The following RABGAP1L variants were observed in gnomAD, a reference collection of about 807,000 sequenced individuals.
The protein encoded by RABGAP1L is rab GTPase-activating protein 1-like.
RABGAP1L carries 63 observed loss-of-function variants against 137.7 expected under a neutral mutation model. That is an observed-to-expected ratio of 0.46 (90% CI 0.37 to 0.56). The LOEUF (loss-of-function observed/expected upper bound fraction) is 0.56. Ranked by LOEUF, RABGAP1L falls within the 20% of genes least tolerant of loss-of-function variation. The probability of loss-of-function intolerance (pLI) is 0.00; values close to 1 mark genes in which losing one functional copy is unlikely to be tolerated. For missense variants in RABGAP1L, 1,095 were observed against 1,244.0 expected, an observed-to-expected ratio of 0.88 and a Z score of 1.80; for synonymous variants, 431 against 433.7, an observed-to-expected ratio of 0.99 and a Z score of 0.08.
At chr1:174,281,939 T>G (rs562526886) in intron 10 of RABGAP1L, among the ~76,000 whole-genome samples, 1 of 152,358 alleles carries the variant, frequency 6.6e-6, no homozygotes, top group South Asian at 2.1e-4. Flanking sequence ...ATCATATGCT[T>G]CTTTTATGTA....
intron 12 of RABGAP1L, among the ~76,000 whole-genome samples, chr1:174,385,624 T>C (rs758328716): frequency 5.9e-5 from 9 of 151,948 alleles, no homozygotes; most frequent in Non-Finnish European, 1.0e-4. Context: ...TGTTTGGGAG[T>C]TGGACGTATG....
chr1:174,201,490 G>C (rs576563524), intron 1 of RABGAP1L, among the ~76,000 whole-genome samples: 7 of 152,160 alleles, frequency 4.6e-5, no homozygotes, highest in Non-Finnish European at 1.0e-4. Flanking sequence ...CACCGCACCC[G>C]GCCTAGAAAC....
intron 13 of RABGAP1L, among the ~76,000 whole-genome samples, chr1:174,610,635 C>A (rs1192959125): frequency 1.3e-5 from 2 of 152,168 alleles, no homozygotes; most frequent in Non-Finnish European, 1.5e-5. Context: ...GCCACACTGA[C>A]TTCCACAATG....
chr1:174,750,098 T>C (rs1486359497), intron 17 of RABGAP1L, among the ~76,000 whole-genome samples: 2 of 152,182 alleles, frequency 1.3e-5, no homozygotes, highest in Non-Finnish European at 2.9e-5. Flanking sequence ...CTCGATCTCC[T>C]GACCTCGTGA....
intron 14 of RABGAP1L, among the ~76,000 whole-genome samples, chr1:174,650,223 T>G (rs1268256497): frequency 5.9e-5 from 9 of 152,136 alleles, no homozygotes; most frequent in Non-Finnish European, 1.3e-4. Context: ...ATGTGCCACT[T>G]GATTCGGTTT....
At chr1:174,499,876 A>T (rs928057947) in intron 13 of RABGAP1L, among the ~76,000 whole-genome samples, 2 of 152,026 alleles carry the variant, frequency 1.3e-5, no homozygotes, top group African/African-American at 4.8e-5. Context: ...ACTCTCTTTT[A>T]AGTTCATATA....
At chr1:174,706,274 T>C (rs1680039347) in intron 17 of RABGAP1L, among the ~76,000 whole-genome samples, 3 of 152,198 alleles carry the variant, frequency 2.0e-5, no homozygotes, top group Admixed American at 1.3e-4. Flanking sequence ...ATTTAAAGTA[T>C]TTGCTTAAAT....
chr1:174,169,561 A>C (rs1178006422), intron 1 of RABGAP1L, among the ~76,000 whole-genome samples: 1 of 152,202 alleles, frequency 6.6e-6, no homozygotes, highest in Non-Finnish European at 1.5e-5. Context: ...AATAGTAGGA[A>C]AGAGAAACCA....
chr1:174,671,087 A>G (rs973363630), intron 14 of RABGAP1L, among the ~76,000 whole-genome samples: 1 of 152,096 alleles, frequency 6.6e-6, no homozygotes, highest in African/African-American at 2.4e-5. Context: ...AAACCTGTAG[A>G]TGTTTTAAAT....
rs531666355 is a variant in RABGAP1L at position 174,610,357 on chromosome 1, C to A, written c.1711-27018C>A. The stretch of plus-strand genomic sequence containing the variant: ...TACTGAGAATGATGATTTCCAATTT[C>A]ATCCATGTCCCTACAAAGGACATGA... On this transcript the variant is annotated intron_variant, in intron 13 of 25. Coordinates refer to ENST00000681986, the MANE Select transcript of RABGAP1L (RefSeq NM_001366446.1). Among the ~76,000 whole-genome samples, 534 of 151,726 alleles carry A rather than the reference C, an allele frequency of 3.5e-3. 3 individuals are homozygous for A. The highest frequency in any genetic ancestry group is 0.012 in the African/African-American group (511 of 41,304).
chr1:174,659,284 T>C (rs1270242443), intron 14 of RABGAP1L, among the ~76,000 whole-genome samples: 1 of 152,070 alleles, frequency 6.6e-6, no homozygotes, highest in African/African-American at 2.4e-5. Context: ...TAGTTGCTGT[T>C]ACTGATTCCT....
At chr1:174,321,112 G>C (rs1442259749) in intron 11 of RABGAP1L, among the ~76,000 whole-genome samples, 1 of 152,084 alleles carries the variant, frequency 6.6e-6, no homozygotes, top group Non-Finnish European at 1.5e-5. Context: ...TTGTTGATAA[G>C]GGATAAAATA....
intron 13 of RABGAP1L, among the ~76,000 whole-genome samples, chr1:174,482,799 A>G (rs144793619): frequency 2.0e-5 from 3 of 152,322 alleles, no homozygotes; most frequent in African/African-American, 7.2e-5. Context: ...TGGTTGGTAC[A>G]TATACACAGC....
intron 13 of RABGAP1L, among the ~76,000 whole-genome samples, chr1:174,495,331 T>A (rs72715206): frequency 6.6e-6 from 1 of 152,016 alleles, no homozygotes; most frequent in African/African-American, 2.4e-5. Flanking sequence ...ATACTTTTTT[T>A]CCCCCCAAGT....
intron 17 of RABGAP1L, among the ~76,000 whole-genome samples, chr1:174,726,307 A>G (rs887229332): frequency 3.3e-5 from 5 of 151,154 alleles, no homozygotes; most frequent in Non-Finnish European, 7.4e-5. Flanking sequence ...TTTTTTTTCT[A>G]TATTGCCCAG....
intron 10 of RABGAP1L, among the ~76,000 whole-genome samples, chr1:174,304,461 T>TTATATATGTAACCAAA (rs1678010966): frequency 2.0e-5 from 3 of 151,970 alleles, no homozygotes; most frequent in African/African-American, 7.2e-5. Context: ...CCATATATAT[T>TTATATATGTAACCAAA]TATATATGTA....
intron 13 of RABGAP1L, among the ~76,000 whole-genome samples, chr1:174,502,632 ATGTG>A (rs1302595499): frequency 1.5e-5 from 2 of 137,152 alleles, no homozygotes; most frequent in African/African-American, 5.6e-5. Flanking sequence ...GTACATATAT[ATGTG>A]TGTATATATA....
At chr1:174,362,937 A>G (rs1165509638) in intron 11 of RABGAP1L, among the ~76,000 whole-genome samples, 1 of 152,192 alleles carries the variant, frequency 6.6e-6, no homozygotes, top group Non-Finnish European at 1.5e-5. Flanking sequence ...ATTTAAGTCA[A>G]TAATCTATCT....
At chr1:174,920,925 T>G (rs1054189774) in intron 19 of RABGAP1L, among the ~76,000 whole-genome samples, 1 of 152,166 alleles carries the variant, frequency 6.6e-6, no homozygotes, top group African/African-American at 2.4e-5. Context: ...GGTACTTTGT[T>G]TTTTTGTTGT....
Sources: gnomAD v4.1 joint callset for allele counts (sites outside exome capture counted in the v4.1 genomes callset) on GRCh38, gnomAD v4.1.1 for gene constraint, MANE v1.5 for transcripts, NCBI Gene and HGNC (gene_info 2026-07-23, HGNC 2026-07-21) for gene names.